ARHGAP18: variants seen among roughly 807,000 people sequenced by gnomAD.
ARHGAP18 encodes Rho GTPase activating protein 18.
ARHGAP18 carries 67 observed loss-of-function variants against 86.2 expected under a neutral mutation model. That is an observed-to-expected ratio of 0.78 (90% CI 0.64 to 0.95). The LOEUF (loss-of-function observed/expected upper bound fraction) is 0.95. ARHGAP18 is among the 40% of genes least tolerant of loss of function. The pLI, the probability that ARHGAP18 is intolerant of heterozygous loss-of-function variation, is 0.00. For synonymous variants in ARHGAP18, 283 were observed against 280.4 expected (o/e 1.01, Z -0.09); for missense variants, 691 against 780.4 (o/e 0.89, Z 1.37).
chr6:129,618,536 A>C (rs1324234053), intron 6 of ARHGAP18, 151 bp downstream of exon 6: 2 of 693,000 alleles, frequency 2.9e-6, no homozygotes, highest in Non-Finnish European at 4.6e-6. Flanking sequence ...AAACTTTTGA[A>C]GGCAACATCT....
chr6:129,606,510 C>T (rs1199995526), intron 9 of ARHGAP18, among the ~76,000 whole-genome samples: 1 of 152,138 alleles, frequency 6.6e-6, no homozygotes, highest in Non-Finnish European at 1.5e-5. Flanking sequence ...TTGATGTTAT[C>T]ATTTTCAGCA....
At chr6:129,684,503 T>C (rs547971686) in intron 1 of ARHGAP18, among the ~76,000 whole-genome samples, 3 of 152,350 alleles carry the variant, frequency 2.0e-5, no homozygotes, top group African/African-American at 7.2e-5. Flanking sequence ...CTATTGAGAA[T>C]GTTGTCTTGT....
At chr6:129,627,279 A>T (rs1166710078) in intron 5 of ARHGAP18, among the ~76,000 whole-genome samples, 1 of 152,142 alleles carries the variant, frequency 6.6e-6, no homozygotes, top group Non-Finnish European at 1.5e-5. Flanking sequence ...TTCTCAAAGA[A>T]ATATCCAAAT....
rs569593603 is a variant in ARHGAP18 at position 129,610,396 on chromosome 6, G to C, written c.1122+1137C>G. Among the ~76,000 whole-genome samples, 8 of 152,348 alleles carry C rather than the reference G, an allele frequency of 5.3e-5. No homozygotes were observed. In the South Asian group the frequency reaches 1.4e-3, roughly 28 times the overall value. On this transcript the variant is annotated intron_variant, in intron 8 of 14. Transcript: ENST00000368149. ...CGTGGTACCCTGGAACAGTGGGAAG[G>C]AACTGTCATCCAGAGAGAAGAAAAG...
intron 7 of ARHGAP18, 51 bp from the exon 8 acceptor site, chr6:129,611,661 A>G (rs748129985): frequency 1.3e-6 from 2 of 1,485,864 alleles, no homozygotes; most frequent in East Asian, 2.3e-5. Context: ...AACAGGTACA[A>G]TTCCGAATTT....
intron 12 of ARHGAP18, chr6:129,596,773 A>C (rs1788622976): frequency 6.6e-6 from 1 of 152,132 alleles, no homozygotes; most frequent in South Asian, 2.1e-4. Flanking sequence ...AGAATGAAGG[A>C]GGGGGCATGG....
At position 129,616,195 on chromosome 6, in the gene ARHGAP18, A is replaced by C; in HGVS notation, c.1044+17T>G. ...TAAGTATGTTCTCTCTATGCTGACC[A>C]ATCCAAGCCTACCTACTTTTTGAAA... On this transcript the variant is annotated intron_variant, in intron 7 of 14. Coordinates refer to ENST00000368149, the MANE Select transcript of ARHGAP18 (RefSeq NM_033515.3). 6.3e-7 allele frequency: 1 copy of C among 1,591,544 alleles called. No homozygotes were observed. The highest frequency in any genetic ancestry group is 8.6e-7 in the Non-Finnish European group (1 of 1,165,066).
chr6:129,654,002 C>T (rs1380313479), intron 1 of ARHGAP18, among the ~76,000 whole-genome samples: 3 of 152,148 alleles, frequency 2.0e-5, no homozygotes, highest in Non-Finnish European at 4.4e-5. Context: ...ATGATCATAT[C>T]ACAGCCCTTC....
intron 12 of ARHGAP18, among the ~76,000 whole-genome samples, chr6:129,597,559 C>A (rs908622917): frequency 6.6e-6 from 1 of 152,102 alleles, no homozygotes; most frequent in African/African-American, 2.4e-5. Context: ...CCTGGTCAGG[C>A]TTCAATCACA....
At position 129,625,082 on chromosome 6, in the gene ARHGAP18, G is replaced by T. The variant is rs373759942; in HGVS notation, c.786+4271C>A. Among the ~76,000 whole-genome samples, 229 of 74,628 alleles carry T rather than the reference G, an allele frequency of 3.1e-3. 1 individual carries two copies. The highest frequency in any genetic ancestry group is 4.0e-3 in the Non-Finnish European group (155 of 38,792). 49.0% of individuals were successfully genotyped at this position (74,628 alleles called of 152,430 possible). The stretch of plus-strand genomic sequence containing the variant: ...ATATATATTTATATATAATATATAT[G>T]ATATATGATATATGATATATATTAT... On this transcript the variant is annotated intron_variant, in intron 5 of 14. Coordinates refer to ENST00000368149, the MANE Select transcript of ARHGAP18 (RefSeq NM_033515.3).
At chr6:129,633,388 C>T (rs775241578) in intron 4 of ARHGAP18, among the ~76,000 whole-genome samples, 11 of 144,526 alleles carry the variant, frequency 7.6e-5, no homozygotes, top group Admixed American at 2.1e-4. Flanking sequence ...TGAGCCAAGA[C>T]GACGCCACTG....
At chr6:129,636,193 G>C (rs1401119078) in intron 3 of ARHGAP18, among the ~76,000 whole-genome samples, 1 of 152,108 alleles carries the variant, frequency 6.6e-6, no homozygotes, top group African/African-American at 2.4e-5. Context: ...TGGTAAGCAA[G>C]TGCTTAACTT....
At chr6:129,657,955 T>C (rs1004509129) in intron 1 of ARHGAP18, among the ~76,000 whole-genome samples, 23 of 152,206 alleles carry the variant, frequency 1.5e-4, no homozygotes, top group African/African-American at 5.1e-4. Flanking sequence ...TTATCTCCAA[T>C]AGGTTCTTAT....
chr6:129,702,883 C>T (rs1053942333), intron 1 of ARHGAP18, among the ~76,000 whole-genome samples: 6 of 152,210 alleles, frequency 3.9e-5, no homozygotes, highest in African/African-American at 1.4e-4. Flanking sequence ...GCCTGTAATC[C>T]CAGCTACTGG....
chr6:129,649,156 G>A (rs1406655899), intron 1 of ARHGAP18, among the ~76,000 whole-genome samples: 1 of 152,176 alleles, frequency 6.6e-6, no homozygotes, highest in Non-Finnish European at 1.5e-5. Flanking sequence ...AGGATGTACT[G>A]AATTTCACAG....
At chr6:129,666,302 G>A (rs1774034754) in intron 1 of ARHGAP18, among the ~76,000 whole-genome samples, 1 of 152,202 alleles carries the variant, frequency 6.6e-6, no homozygotes, top group Non-Finnish European at 1.5e-5. Context: ...CAGAATGAGC[G>A]CTCAGATGCT....
intron 12 of ARHGAP18, among the ~76,000 whole-genome samples, chr6:129,589,130 T>C (rs555027186): frequency 1.3e-5 from 2 of 152,346 alleles, no homozygotes; most frequent in African/African-American, 4.8e-5. Context: ...CCCATTGTCT[T>C]GGTGATTAAC....
intron 3 of ARHGAP18, among the ~76,000 whole-genome samples, chr6:129,637,272 C>T (rs546399493): frequency 1.3e-5 from 2 of 152,166 alleles, no homozygotes; most frequent in South Asian, 4.2e-4. Context: ...GCTATGTTGC[C>T]CAGGCTGGTC....
At chr6:129,688,169 C>T (rs138013521) in intron 1 of ARHGAP18, among the ~76,000 whole-genome samples, 7 of 152,198 alleles carry the variant, frequency 4.6e-5, no homozygotes, top group African/African-American at 1.2e-4. Context: ...CCAAGAGCCA[C>T]GTCAGCATCC....
Sources: gnomAD v4.1 joint callset for allele counts (sites outside exome capture counted in the v4.1 genomes callset) on GRCh38, gnomAD v4.1.1 for gene constraint, MANE v1.5 for transcripts, NCBI Gene and HGNC (gene_info 2026-07-23, HGNC 2026-07-21) for gene names.